The following DPP10 variants were observed in gnomAD, a reference collection of about 807,000 sequenced individuals.
DPP10 encodes dipeptidyl peptidase like 10.
In DPP10, 33 loss-of-function variants were observed where a neutral mutation model predicts 120.9. That is an observed-to-expected ratio of 0.27 (90% CI 0.21 to 0.37). The LOEUF is 0.37. Ranked by LOEUF, DPP10 falls within the 10% of genes least tolerant of loss-of-function variation. The pLI is 1.00. For missense variants in DPP10, 816 were observed against 942.8 expected (o/e 0.87, Z 1.76); for synonymous variants, 337 against 326.1 (o/e 1.03, Z -0.36).
chr2:115,401,018 G>C (rs1041544136), intron 3 of DPP10, among the ~76,000 whole-genome samples: 13 of 152,156 alleles, frequency 8.5e-5, no homozygotes, highest in Non-Finnish European at 1.5e-4. Flanking sequence ...TCCTGGTTGG[G>C]GGAGCAATGG....
At chr2:114,450,402 C>G (rs1678195351) in intron 1 of DPP10, among the ~76,000 whole-genome samples, 1 of 151,940 alleles carries the variant, frequency 6.6e-6, no homozygotes, top group African/African-American at 2.4e-5. Flanking sequence ...GTGAGTCTCT[C>G]TACGAGCTAT....
chr2:115,672,163 A>G (rs2149443708), intron 5 of DPP10, among the ~76,000 whole-genome samples: 1 of 152,254 alleles, frequency 6.6e-6, no homozygotes, highest in East Asian at 1.9e-4. Context: ...CCTGTATTTG[A>G]AAATCTTTTA....
At chr2:114,456,347 G>T (rs988713175) in intron 1 of DPP10, among the ~76,000 whole-genome samples, 4 of 152,234 alleles carry the variant, frequency 2.6e-5, no homozygotes. Flanking sequence ...AAATCTGGAT[G>T]ACCAGTGATT....
At chr2:114,687,822 G>C (rs1699473057) in intron 1 of DPP10, among the ~76,000 whole-genome samples, 1 of 151,956 alleles carries the variant, frequency 6.6e-6, no homozygotes. Context: ...TCGAGTTCAG[G>C]TACTAGGCCA....
chr2:115,385,163 A>G (rs2066826586), intron 3 of DPP10, among the ~76,000 whole-genome samples: 1 of 152,126 alleles, frequency 6.6e-6, no homozygotes, highest in Non-Finnish European at 1.5e-5. Flanking sequence ...ACGGACTAAT[A>G]CAGTCACTTT....
chr2:114,699,947 A>C (rs1700291004), intron 1 of DPP10, among the ~76,000 whole-genome samples: 1 of 152,112 alleles, frequency 6.6e-6, no homozygotes, highest in South Asian at 2.1e-4. Flanking sequence ...TTGTTGAAAG[A>C]CATAGGAACT....
At chr2:115,338,731 A>G (rs1185801378) in intron 2 of DPP10, among the ~76,000 whole-genome samples, 1 of 152,200 alleles carries the variant, frequency 6.6e-6, no homozygotes, top group East Asian at 1.9e-4. Context: ...ACACAAAACA[A>G]AATAAACCAG....
chr2:115,415,257 T>C (rs549968498), intron 3 of DPP10, among the ~76,000 whole-genome samples: 13 of 152,272 alleles, frequency 8.5e-5, no homozygotes, highest in African/African-American at 2.9e-4. Context: ...CCAGTTTCAT[T>C]GTTTATGATT....
Position 115,753,410 on chromosome 2 carries a change from A to T in DPP10, c.1074+113A>T, listed in dbSNP as rs996155895. Reference sequence around the variant, plus strand: ...AAAAATTCAGTGTTTAACTTTTAAAACTAATAGGAAAAGAATTATTCTATT... The same window carrying T: ...AAAAATTCAGTGTTTAACTTTTAAATCTAATAGGAAAAGAATTATTCTATT... On this transcript the variant is annotated intron_variant, in intron 11 of 25. Coordinates refer to ENST00000410059, the MANE Select transcript of DPP10 (RefSeq NM_020868.6). 32 of 976,560 alleles carry T rather than the reference A, an allele frequency of 3.3e-5. No individual in the cohort carries two copies. The African/African-American group carries it at 4.9e-4, about 15-fold the overall frequency. The allele number at this position is 976,560 out of a possible 1,614,324, so 60.5% of individuals were successfully genotyped here.
At chr2:115,040,605 A>G (rs773309829) in intron 1 of DPP10, among the ~76,000 whole-genome samples, 3 of 151,824 alleles carry the variant, frequency 2.0e-5, no homozygotes, top group Non-Finnish European at 2.9e-5. Context: ...CCCAAATCTC[A>G]TGTCAAATTG....
At chr2:115,113,678 A>G (rs1361325287) in intron 1 of DPP10, among the ~76,000 whole-genome samples, 1 of 152,088 alleles carries the variant, frequency 6.6e-6, no homozygotes, top group Non-Finnish European at 1.5e-5. Context: ...CACTTCCTTC[A>G]TCTATGTGAA....
At chr2:114,797,242 T>C (rs1683795447) in intron 1 of DPP10, among the ~76,000 whole-genome samples, 1 of 152,166 alleles carries the variant, frequency 6.6e-6, no homozygotes, top group Non-Finnish European at 1.5e-5. Flanking sequence ...GAGTTGAATA[T>C]CTGATATTTA....
chr2:115,441,429 T>C (rs752397239), intron 3 of DPP10, among the ~76,000 whole-genome samples: 1 of 152,176 alleles, frequency 6.6e-6, no homozygotes, highest in Non-Finnish European at 1.5e-5. Context: ...GAAAGGACTT[T>C]TTATGTGACC....
At chr2:114,729,028 G>A (rs1007419665) in intron 1 of DPP10, among the ~76,000 whole-genome samples, 5 of 152,158 alleles carry the variant, frequency 3.3e-5, no homozygotes, top group Middle Eastern at 3.2e-3. Flanking sequence ...GAGGTTTAAC[G>A]GAGACAGGGT....
In DPP10 at chr2:115,753,256, A is replaced by G. The variant is rs1678979455; in HGVS notation, c.1033A>G (p.Ile345Val). The change falls in exon 11 of 26, where the codon ATC (isoleucine) becomes GTC (valine). Residue 345 changes from isoleucine to valine, a missense_variant. Ile to Val is a conservative substitution (Grantham distance 29). This residue lies in a region of DPP10 where 592 missense variants were observed against 649.0 expected (regional missense o/e 0.91). Coordinates refer to ENST00000410059, the MANE Select transcript of DPP10 (RefSeq NM_020868.6). ...GTTAAACCGAGCTCAGAACATCTCC[A>G]TCCTCACAGTCTGTGAGACCACTAC... ...RWLNRAQNIS[I>V]LTVCETTTGA... 10 of 1,611,450 alleles carry G rather than the reference A, an allele frequency of 6.2e-6. No homozygotes were observed. Among genetic ancestry groups the G allele is most frequent in the Admixed American group, 1.7e-5 (1 of 59,910 alleles).
At chr2:115,313,852 G>T (rs1213256183) in intron 2 of DPP10, among the ~76,000 whole-genome samples, 1 of 152,070 alleles carries the variant, frequency 6.6e-6, no homozygotes, top group Non-Finnish European at 1.5e-5. Context: ...TAATTACAGG[G>T]TGGACTTATT....
chr2:115,244,670 A>G lies in DPP10; in HGVS notation c.61-64569A>G, dbSNP rs548143439. 1.2e-3 allele frequency among the ~76,000 whole-genome samples: 189 copies of G among 152,138 alleles called. 1 individual carries two copies. Among genetic ancestry groups the G allele is most frequent in the African/African-American group, 4.4e-3 (181 of 41,540 alleles). On this transcript the variant is annotated intron_variant, in intron 1 of 25. Coordinates refer to ENST00000410059, the MANE Select transcript of DPP10 (RefSeq NM_020868.6). Reference sequence around the variant, plus strand: ...TTACATTTTCATCCTGACAATGCTGAATACATTTTAATGAGAATAAAATAA... The same window carrying G: ...TTACATTTTCATCCTGACAATGCTGGATACATTTTAATGAGAATAAAATAA...
chr2:114,536,408 CTTTTTTTTTT>C (rs70937287), intron 1 of DPP10, among the ~76,000 whole-genome samples: 1 of 128,732 alleles, frequency 7.8e-6, no homozygotes, highest in Non-Finnish European at 1.6e-5. Context: ...TTTTCTTTTT[CTTTTTTTTTT>C]TTTTTGAGAC....
intron 1 of DPP10, among the ~76,000 whole-genome samples, chr2:115,119,703 G>C (rs117171556): frequency 1.3e-5 from 2 of 152,262 alleles, no homozygotes; most frequent in East Asian, 3.9e-4. Flanking sequence ...GTGTTTCTCT[G>C]ATGGGCATTC....
Sources: gnomAD v4.1 joint callset for allele counts (sites outside exome capture counted in the v4.1 genomes callset) on GRCh38, gnomAD v4.1.1 for gene constraint, gnomAD v4.1.1 regional missense constraint, MANE v1.5 for transcripts, NCBI Gene and HGNC (gene_info 2026-07-23, HGNC 2026-07-21) for gene names.